ST6GALNAC1: variants seen among roughly 807,000 people sequenced by gnomAD.
ST6GALNAC1 encodes the protein ST6 N-acetylgalactosaminide alpha-2,6-sialyltransferase 1.
Under a neutral mutation model 56.8 loss-of-function variants are expected in ST6GALNAC1, and 45 were observed. The observed-to-expected ratio is 0.79, with a 90% CI of 0.62 to 1.02. The LOEUF (loss-of-function observed/expected upper bound fraction) is 1.02. ST6GALNAC1 is among the 50% of genes least tolerant of loss of function. The pLI is 0.00. For synonymous variants in ST6GALNAC1, 295 were observed against 297.8 expected, an observed-to-expected ratio of 0.99 and a Z score of 0.10; for missense variants, 743 against 754.8, an observed-to-expected ratio of 0.98 and a Z score of 0.18.
chr17:76,617,934 G>A, the ST6GALNAC1 span, among the ~76,000 whole-genome samples: 1 of 152,188 alleles, frequency 6.6e-6, no homozygotes, highest in Non-Finnish European at 1.5e-5. Context: ...CTGCACCTGG[G>A]TTGGGATTGG....
At chr17:76,619,740 G>GTTTTTT in the ST6GALNAC1 span, among the ~76,000 whole-genome samples, 26 of 101,582 alleles carry the variant, frequency 2.6e-4, 1 homozygote, top group East Asian at 9.3e-4. Flanking sequence ...AATAATGTTA[G>GTTTTTT]TTTTTTTTTT....
chr17:76,620,103 C>T (rs1420090596), downstream of ST6GALNAC1, among the ~76,000 whole-genome samples: 1 of 151,628 alleles, frequency 6.6e-6, no homozygotes, highest in African/African-American at 2.4e-5. Context: ...TGCAATGGTG[C>T]GATCTTGGCT....
intron 1 of ST6GALNAC1, among the ~76,000 whole-genome samples, chr17:76,631,141 A>G (rs2075892385): frequency 6.6e-6 from 1 of 150,426 alleles, no homozygotes; most frequent in Non-Finnish European, 1.5e-5. Context: ...ACTGGATCTC[A>G]CTCTGTTACC....
In ST6GALNAC1 at chr17:76,626,669, C is replaced by T. The variant is rs758646991; in HGVS notation, c.1293G>A (p.Lys431=). 4 of 1,614,196 alleles carry T rather than the reference C, an allele frequency of 2.5e-6. No homozygotes were observed. Among genetic ancestry groups the T allele is most frequent in the African/African-American group, 2.7e-5 (2 of 75,056 alleles). ...TGCTCACCTTCCCAAGAGGCACGTT[C>T]TTGAAACCCCGATTGCCCAATATAA... ...SLLILGNRGF[K]NVPLGKDVRY... is the part of the protein sequence containing the mutation. Residue 431 remains lysine (K), a synonymous_variant, in exon 5 of 9, where the codon AAG becomes AAA. Coordinates refer to ENST00000156626, the MANE Select transcript of ST6GALNAC1 (RefSeq NM_018414.5).
chr17:76,627,300 A>G lies in ST6GALNAC1; in HGVS notation c.1001-62T>C. 1.3e-6 allele frequency: 2 copies of G among 1,556,868 alleles called. No homozygotes were observed. Among genetic ancestry groups the G allele is most frequent in the Non-Finnish European group, 1.7e-6 (2 of 1,150,546 alleles). ...GGGAGGGACAGGAGTCCGACCCATC[A>G]TTCCTCCCAGGTCTGGCAAACCCCA... On this transcript the variant is annotated intron_variant, in intron 3 of 8. Transcript: ENST00000156626. This position sits in a 1 kb window ranked among gnomAD's most constrained non-coding sequence, Gnocchi z 4.4.
intron 1 of ST6GALNAC1, among the ~76,000 whole-genome samples, chr17:76,640,812 A>G (rs1598310883): frequency 6.6e-6 from 1 of 152,360 alleles, no homozygotes. Flanking sequence ...ATGACAAAAG[A>G]TATCACAAAC....
chr17:76,621,332 GC>G (rs2075738806), downstream of ST6GALNAC1, among the ~76,000 whole-genome samples: 1 of 144,312 alleles, frequency 6.9e-6, no homozygotes, highest in Non-Finnish European at 1.5e-5. Context: ...ACAGGTGCAC[GC>G]CACCACGCCC....
intron 1 of ST6GALNAC1, among the ~76,000 whole-genome samples, chr17:76,638,455 C>A (rs911630041): frequency 6.6e-6 from 1 of 152,250 alleles, no homozygotes; most frequent in African/African-American, 2.4e-5. Context: ...TAGCTCACTG[C>A]AACCTCTGCC....
rs765491975 is a variant in ST6GALNAC1 at position 76,625,892 on chromosome 17, C to A, written c.1532G>T (p.Gly511Val). ...NRFLRSKTLD[G>V]AHWRIYRPTT... The stretch of plus-strand genomic sequence containing the variant: ...GGGGCGGTATATCCTCCAGTGGGCA[C>A]CATCCAGGGTCTTAGACCTCAGAAA... The change falls in exon 8 of 9, where the codon GGT (glycine) becomes GTT (valine). Residue 511 changes from glycine to valine, a missense_variant. Physicochemically the swap from Gly to Val is moderately radical, Grantham distance 109. Transcript: ENST00000156626. The A allele has an allele frequency of 6.4e-7, 1 of 1,566,752 alleles. No individual in the cohort carries two copies. The highest frequency in any genetic ancestry group is 8.6e-7 in the Non-Finnish European group (1 of 1,157,566).
chr17:76,626,546 CA>C lies in ST6GALNAC1; in HGVS notation c.1311+104del, dbSNP rs377078073. 37 of 1,543,862 alleles carry C rather than the reference CA, an allele frequency of 2.4e-5. No individual in the cohort carries two copies. In the East Asian group the frequency reaches 3.4e-4, roughly 14 times the overall value. The stretch of plus-strand genomic sequence containing the variant: ...GCCCTTATAGGAGGGGAGCCTGTAC[CA>C]ACCACAGACTCCATCCGGATGAAAG... On this transcript the variant is annotated intron_variant, in intron 5 of 8. Transcript: ENST00000156626.
rs576002299 is a variant in ST6GALNAC1, at chr17:76,627,434, G to A, written c.981C>T (p.Phe327=). Residue 327 remains phenylalanine (F), a synonymous_variant, in exon 3 of 9, where the codon TTC becomes TTT. Coordinates refer to ENST00000156626, the MANE Select transcript of ST6GALNAC1 (RefSeq NM_018414.5). This position sits in a 1 kb window ranked among gnomAD's most constrained non-coding sequence, Gnocchi z 4.4. Reference sequence around the variant, plus strand: ...ACTCACAGGAGTAGTTGAGCTCCATGAAGCCAAAGGGTGGTGCAAAGTGTT... The same window carrying A: ...ACTCACAGGAGTAGTTGAGCTCCATAAAGCCAAAGGGTGGTGCAAAGTGTT... The part of the protein sequence containing the change: ...RLEHFAPPFG[F]MELNYSLVQK... 1 of 1,614,192 alleles carries A rather than the reference G, an allele frequency of 6.2e-7. No homozygotes were observed. Among genetic ancestry groups the A allele is most frequent in the East Asian group, 2.2e-5 (1 of 44,878 alleles).
intron 1 of ST6GALNAC1, among the ~76,000 whole-genome samples, chr17:76,637,271 C>CAAAAAAAAAA (rs1567961276): frequency 7.2e-5 from 1 of 13,876 alleles, no homozygotes; most frequent in Non-Finnish European, 1.3e-4. Flanking sequence ...TCAATAAATA[C>CAAAAAAAAAA]TAAAAAAAAA....
chr17:76,643,742 C>G lies in ST6GALNAC1; in HGVS notation c.-104G>C. On this transcript the variant is annotated 5_prime_UTR_variant, in exon 1 of 9. Coordinates refer to ENST00000156626, the MANE Select transcript of ST6GALNAC1 (RefSeq NM_018414.5). ...GGTTTCCTGGCCAGGAAGTGCACAC[C>G]CTTTGTCTTAACAATGAGCCACTCC... The G allele has an allele frequency of 8.3e-7, 1 of 1,211,130 alleles. No individual in the cohort carries two copies. Among genetic ancestry groups the G allele is most frequent in the Non-Finnish European group, 1.2e-6 (1 of 857,128 alleles). The allele number at this position is 1,211,130 out of a possible 1,614,324, so 75.0% of individuals were successfully genotyped here.
intron 1 of ST6GALNAC1, among the ~76,000 whole-genome samples, chr17:76,637,919 G>T (rs1296081522): frequency 6.6e-6 from 1 of 152,028 alleles, no homozygotes; most frequent in African/African-American, 2.4e-5. Context: ...GGAAGCCAGT[G>T]CCCAGGTTCA....
chr17:76,621,182 CTTTCTT>C (rs1398331547), downstream of ST6GALNAC1, among the ~76,000 whole-genome samples: 7 of 105,326 alleles, frequency 6.6e-5, no homozygotes, highest in Non-Finnish European at 1.3e-4. Flanking sequence ...TTCTTTCTTT[CTTTCTT>C]TTTTTTTTTT....
downstream of ST6GALNAC1, among the ~76,000 whole-genome samples, chr17:76,620,801 G>A (rs1182356895): frequency 1.3e-5 from 2 of 151,768 alleles, no homozygotes; most frequent in African/African-American, 4.8e-5. Flanking sequence ...TGCCATGTTG[G>A]TCAAGCTGGT....
downstream of ST6GALNAC1, among the ~76,000 whole-genome samples, chr17:76,622,798 CTT>C (rs61197441): frequency 1.6e-3 from 223 of 140,528 alleles, 2 homozygotes; most frequent in Non-Finnish European, 1.6e-3. Flanking sequence ...CTTGTCATTT[CTT>C]TTTTTTTTTT....
downstream of ST6GALNAC1, among the ~76,000 whole-genome samples, chr17:76,620,865 G>A (rs1419403466): frequency 3.3e-5 from 5 of 152,064 alleles, no homozygotes. Context: ...AAAGTACTGG[G>A]ATTACAGGCA....
downstream of ST6GALNAC1, among the ~76,000 whole-genome samples, chr17:76,623,214 C>T (rs926919626): frequency 1.3e-5 from 2 of 152,216 alleles, no homozygotes; most frequent in African/African-American, 4.8e-5. Flanking sequence ...TTCCATTTCA[C>T]TGGTCTGTCT....
Sources: gnomAD v4.1 joint callset for allele counts (sites outside exome capture counted in the v4.1 genomes callset) on GRCh38, gnomAD v4.1.1 for gene constraint, Gnocchi (gnomAD v3.1) non-coding constraint, MANE v1.5 for transcripts, NCBI Gene and HGNC (gene_info 2026-07-23, HGNC 2026-07-21) for gene names.